The following LTBP1 variants were observed in gnomAD, a reference collection of about 807,000 sequenced individuals.
The protein encoded by LTBP1 is latent transforming growth factor beta binding protein 1.
In LTBP1, 129 loss-of-function variants were observed where a neutral mutation model predicts 207.6. That is an observed-to-expected ratio of 0.62 (90% CI 0.54 to 0.72). The LOEUF (loss-of-function observed/expected upper bound fraction) is 0.72, where lower values mean the gene tolerates loss of function less well. LTBP1 is among the 30% of genes least tolerant of loss of function. The probability of loss-of-function intolerance (pLI) is 0.00; values close to 1 mark genes in which losing one functional copy is unlikely to be tolerated. For missense variants in LTBP1, 2,281 were observed against 2,217.2 expected, an observed-to-expected ratio of 1.03 and a Z score of -0.58; for synonymous variants, 963 against 833.7, an observed-to-expected ratio of 1.16 and a Z score of -2.67.
chr2:33,074,327 CTT>C (rs1264353835), intron 3 of LTBP1, among the ~76,000 whole-genome samples: 1 of 152,220 alleles, frequency 6.6e-6, no homozygotes, highest in Non-Finnish European at 1.5e-5. Context: ...TCTCCCATCT[CTT>C]GTCATGGCCT....
At position 33,091,073 on chromosome 2, in the gene LTBP1, A is replaced by G. The variant is rs140322098; in HGVS notation, c.864-19509A>G. Reference sequence around the variant, plus strand: ...ATCTAGGAATGCTATGCCTCTGGGTAGCAGCACTTTTGTGGAGCCTCCCTG... The same window carrying G: ...ATCTAGGAATGCTATGCCTCTGGGTGGCAGCACTTTTGTGGAGCCTCCCTG... On this transcript the variant is annotated intron_variant, in intron 3 of 33. Transcript: ENST00000404816. Among the ~76,000 whole-genome samples the G allele has an allele frequency of 9.6e-3, 1,470 of 152,338 alleles. 26 individuals are homozygous for G. Among genetic ancestry groups the G allele is most frequent in the African/African-American group, 0.033 (1,362 of 41,576 alleles).
intron 5 of LTBP1, among the ~76,000 whole-genome samples, chr2:33,164,327 G>C (rs1176331246): frequency 7.5e-6 from 1 of 134,166 alleles, no homozygotes; most frequent in Non-Finnish European, 1.5e-5. Context: ...TCCAGCCTGG[G>C]TGACAGAGCA....
In LTBP1 at chr2:33,368,704, C is replaced by G. The variant is rs2095030715; in HGVS notation, c.4711+3201C>G. Among the ~76,000 whole-genome samples the G allele has an allele frequency of 2.6e-5, 4 of 152,138 alleles. No homozygotes were observed. The South Asian group carries it at 8.3e-4, about 32-fold the overall frequency. On this transcript the variant is annotated intron_variant, in intron 31 of 33. Coordinates refer to ENST00000404816, the MANE Select transcript of LTBP1 (RefSeq NM_206943.4). ...CCAGCCTGGGCAACGTGGTGAAACC[C>G]CATCTCTACAAAACATACAAAAATT...
At chr2:32,947,839 GCCCGCCCGCCCGC>G in intron 1 of LTBP1, 21 bp downstream of exon 1, 1 of 1,272,908 alleles carries the variant, frequency 7.9e-7, no homozygotes, top group Non-Finnish European at 1.0e-6. Context: ...ACCCCCTTCC[GCCCGCCCGCCCGC>G]CTCGCGCGCA....
At chr2:33,293,058 T>C in intron 19 of LTBP1, 102 bp from the exon 20 acceptor site, 2 of 1,187,494 alleles carry the variant, frequency 1.7e-6, no homozygotes, top group South Asian at 3.3e-5. Flanking sequence ...ATCTGCCTGG[T>C]CTTCTGAAGG....
chr2:33,264,253 CT>C (rs2093110356), intron 15 of LTBP1, among the ~76,000 whole-genome samples: 1 of 107,192 alleles, frequency 9.3e-6, no homozygotes. Context: ...GAGACTCTGT[CT>C]CAAAAAAAAA....
At chr2:32,948,154 C>T (rs1040117008) in intron 1 of LTBP1, among the ~76,000 whole-genome samples, 1 of 152,164 alleles carries the variant, frequency 6.6e-6, no homozygotes, top group African/African-American at 2.4e-5. Context: ...CAGTTTAATC[C>T]CTCAGCATCA....
At chr2:33,351,829 C>G (rs1288578460) in intron 26 of LTBP1, among the ~76,000 whole-genome samples, 1 of 152,248 alleles carries the variant, frequency 6.6e-6, no homozygotes, top group Non-Finnish European at 1.5e-5. Flanking sequence ...GTCTCATTCT[C>G]AGGTTCTTCT....
intron 24 of LTBP1, among the ~76,000 whole-genome samples, chr2:33,329,962 A>G (rs971093005): frequency 1.5e-4 from 23 of 152,080 alleles, no homozygotes; most frequent in East Asian, 1.9e-4. Context: ...CAATAGATCA[A>G]TTTGGGGAGG....
At chr2:33,016,483 C>T (rs750943435) in intron 2 of LTBP1, among the ~76,000 whole-genome samples, 5 of 152,136 alleles carry the variant, frequency 3.3e-5, no homozygotes, top group Non-Finnish European at 7.4e-5. Flanking sequence ...GTACTGAAGC[C>T]TGGAGCCCTC....
At chr2:33,199,718 A>G (rs1573127900) in intron 7 of LTBP1, among the ~76,000 whole-genome samples, 4 of 152,352 alleles carry the variant, frequency 2.6e-5, no homozygotes, top group Admixed American at 1.3e-4. Flanking sequence ...TTGTATATCT[A>G]GAAAACCCCA....
intron 7 of LTBP1, among the ~76,000 whole-genome samples, chr2:33,213,145 G>C (rs2090438412): frequency 6.6e-6 from 1 of 152,112 alleles, no homozygotes. Context: ...AGCTGTGTAG[G>C]GTTGTAGTGT....
At position 33,076,782 on chromosome 2, in the gene LTBP1, G is replaced by A. The variant is rs147207736; in HGVS notation, c.864-33800G>A. Among the ~76,000 whole-genome samples the A allele has an allele frequency of 2.7e-3, 414 of 152,062 alleles. 2 individuals carry two copies. The highest frequency in any genetic ancestry group is 0.017 in the Middle Eastern group (5 of 292). Reference sequence around the variant, plus strand: ...AATCTCTTGACCTCGTGATCCACCCGTCTCGGCCTCCCAAAGTACTGGGAT... The same window carrying A: ...AATCTCTTGACCTCGTGATCCACCCATCTCGGCCTCCCAAAGTACTGGGAT... On this transcript the variant is annotated intron_variant, in intron 3 of 33. Coordinates refer to ENST00000404816, the MANE Select transcript of LTBP1 (RefSeq NM_206943.4).
At chr2:32,990,718 G>C (rs1231771549) in intron 2 of LTBP1, among the ~76,000 whole-genome samples, 1 of 152,126 alleles carries the variant, frequency 6.6e-6, no homozygotes, top group Non-Finnish European at 1.5e-5. Flanking sequence ...CAAAACAGCT[G>C]TGTGGGGAAA....
At chr2:33,198,631 G>T (rs1437480706) in intron 7 of LTBP1, among the ~76,000 whole-genome samples, 1 of 152,234 alleles carries the variant, frequency 6.6e-6, no homozygotes, top group Non-Finnish European at 1.5e-5. Context: ...TCTTGGGAGA[G>T]TGTATATGTC....
intron 3 of LTBP1, among the ~76,000 whole-genome samples, chr2:33,042,774 A>G (rs144573403): frequency 1.0e-3 from 153 of 152,344 alleles, no homozygotes; most frequent in South Asian, 3.1e-3. Flanking sequence ...GATATTTACA[A>G]TAGGCGGCAA....
In LTBP1 at chr2:33,169,203, C is replaced by T. The variant is rs140675791; in HGVS notation, c.1202-17653C>T. Among the ~76,000 whole-genome samples, 289 of 152,268 alleles carry T rather than the reference C, an allele frequency of 1.9e-3. 1 individual carries two copies. The highest frequency in any genetic ancestry group is 6.7e-3 in the African/African-American group (277 of 41,558). ...TTCTTCTTTCATGTCCCATGGGGAA[C>T]GTTTCTCTGCTTTTGTGTGAGTCCT... On this transcript the variant is annotated intron_variant, in intron 5 of 33. Transcript: ENST00000404816.
chr2:33,068,055 T>A (rs569465839), intron 3 of LTBP1, among the ~76,000 whole-genome samples: 66 of 151,914 alleles, frequency 4.3e-4, no homozygotes, highest in African/African-American at 1.5e-3. Flanking sequence ...GATAACAGTA[T>A]TTTTTCCATA....
rs987964934 is a variant in LTBP1 at position 33,035,102 on chromosome 2, G to A, written c.863+13896G>A. On this transcript the variant is annotated intron_variant, in intron 3 of 33. Transcript: ENST00000404816. ...CCGACCCTTGGTTCCCCTTGTTGCCGATGGATAGGAATTAATTCATATGAG... is the reference window on the plus strand; with the variant it reads ...CCGACCCTTGGTTCCCCTTGTTGCCAATGGATAGGAATTAATTCATATGAG... Among the ~76,000 whole-genome samples, 8 of 152,212 alleles carry A rather than the reference G, an allele frequency of 5.3e-5. No individual in the cohort carries two copies. In the South Asian group the frequency reaches 6.2e-4, roughly 12 times the overall value.
Sources: allele counts gnomAD v4.1 joint callset (sites outside exome capture counted in the v4.1 genomes callset), GRCh38; gene constraint gnomAD v4.1.1; transcripts MANE v1.5; gene names NCBI Gene and HGNC (gene_info 2026-07-23, HGNC 2026-07-21).